The following GABRA3 variants were observed in gnomAD, a reference collection of about 807,000 sequenced individuals.
The protein encoded by GABRA3 is gamma-aminobutyric acid type A receptor subunit alpha3.
GABRA3 carries 10 observed loss-of-function variants against 30.1 expected under a neutral mutation model. The ratio of observed to expected loss-of-function variants is 0.33; its 90% CI spans 0.20 to 0.56. The LOEUF (loss-of-function observed/expected upper bound fraction) is 0.56. Among genes scored for constraint, GABRA3 ranks in the 20% least tolerant of loss-of-function variants. GABRA3 has a pLI of 0.89. For missense variants in GABRA3, 233 were observed against 392.0 expected, an observed-to-expected ratio of 0.59 and a Z score of 3.42; for synonymous variants, 151 against 146.8, an observed-to-expected ratio of 1.03 and a Z score of -0.21.
chrX:152,392,304 G>C (rs1929508989), intron 1 of GABRA3: 2 of 384,904 alleles, frequency 5.2e-6, no homozygotes, highest in African/African-American at 5.1e-5. Flanking sequence ...TGCACACTCA[G>C]GTTCTGCAAC....
intron 3 of GABRA3, among the ~76,000 whole-genome samples, chrX:152,294,251 T>A (rs1939481488): frequency 9.0e-6 from 1 of 111,684 alleles, no homozygotes; most frequent in African/African-American, 3.3e-5. Flanking sequence ...TCCCCATCAC[T>A]TTCAGGTACA....
At chrX:152,228,054 GA>G (rs1287011467) in intron 5 of GABRA3, among the ~76,000 whole-genome samples, 2 of 111,831 alleles carry the variant, frequency 1.8e-5, no homozygotes, top group East Asian at 5.7e-4. Context: ...CCCTCATAGT[GA>G]CCACTGCTAT....
intron 1 of GABRA3, among the ~76,000 whole-genome samples, chrX:152,374,342 T>C (rs757456865): frequency 4.2e-5 from 2 of 47,491 alleles, no homozygotes; most frequent in East Asian, 5.8e-4. Context: ...CTTTTCTTTT[T>C]TTTTTTTTTT....
intron 1 of GABRA3, among the ~76,000 whole-genome samples, chrX:152,407,770 A>G (rs1053440465): frequency 2.7e-5 from 3 of 111,893 alleles, no homozygotes; most frequent in Non-Finnish European, 5.6e-5. Flanking sequence ...AGACACAACA[A>G]CAGCAACAAA....
At chrX:152,337,056 A>T (rs1201907328) in intron 3 of GABRA3, among the ~76,000 whole-genome samples, 1 of 98,410 alleles carries the variant, frequency 1.0e-5, no homozygotes, top group Non-Finnish European at 2.0e-5. Flanking sequence ...GAATCAAGAT[A>T]AAATATTTTT....
chrX:152,197,778 A>G lies in GABRA3; in HGVS notation c.786T>C (p.Tyr262=), dbSNP rs1937408190. 11 of 1,207,162 alleles carry G rather than the reference A, an allele frequency of 9.1e-6. No individual in the cohort carries two copies. Among genetic ancestry groups the G allele is most frequent in the Non-Finnish European group, 1.2e-5 (11 of 891,860 alleles). The change falls in exon 8 of 10, where the codon TAT becomes TAC. Residue 262 remains tyrosine (Y), a synonymous_variant. Transcript: ENST00000370314. ...TEIIRSSTGE[Y]VVMTTHFHLK... ...GATGGAAGTGGGTTGTCATGACGACATATTCTCCTAAAGAGAGAGTAAAAT... is the reference window on the plus strand; with the variant it reads ...GATGGAAGTGGGTTGTCATGACGACGTATTCTCCTAAAGAGAGAGTAAAAT...
At chrX:152,282,506 G>A (rs979080080) in intron 4 of GABRA3, among the ~76,000 whole-genome samples, 6 of 112,009 alleles carry the variant, frequency 5.4e-5, no homozygotes. Flanking sequence ...ATGGACATGC[G>A]GCTAAAAATA....
chrX:152,386,318 A>G (rs1204914532), intron 1 of GABRA3, among the ~76,000 whole-genome samples: 2 of 110,470 alleles, frequency 1.8e-5, no homozygotes, highest in Non-Finnish European at 3.8e-5. Flanking sequence ...CGTCCCTTGT[A>G]AGTTGGATTC....
intron 8 of GABRA3, among the ~76,000 whole-genome samples, chrX:152,192,057 T>C (rs1011845432): frequency 4.5e-5 from 5 of 112,342 alleles, no homozygotes; most frequent in African/African-American, 1.6e-4. Flanking sequence ...CATAGCAGTG[T>C]GCTGCTAGTG....
chrX:152,168,688 A>T, intron 9 of GABRA3, 125 bp from the exon 10 acceptor site: 2 of 495,296 alleles, frequency 4.0e-6, no homozygotes. Context: ...CACAGGGGCC[A>T]TGTAGCCAAT....
intron 7 of GABRA3, among the ~76,000 whole-genome samples, chrX:152,205,599 G>A (rs139260857): frequency 7.0e-4 from 78 of 111,756 alleles, no homozygotes; most frequent in African/African-American, 2.3e-3. Flanking sequence ...TGTCAACTAT[G>A]CTCTGGCCTG....
rs755334725 is a variant in GABRA3 at position 152,237,047 on chromosome X, G to T, written c.552-12202C>A. 3.1e-3 allele frequency among the ~76,000 whole-genome samples: 337 copies of T among 109,300 alleles called. 3 individuals carry two copies. Among genetic ancestry groups the T allele is most frequent in the African/African-American group, 0.011 (320 of 29,906 alleles). The allele number at this position is 109,300 out of a possible 115,157, so 94.9% of individuals were successfully genotyped here. On this transcript the variant is annotated intron_variant, in intron 5 of 9. Coordinates refer to ENST00000370314, the MANE Select transcript of GABRA3 (RefSeq NM_000808.4). ...GGCTTTTGTTGCCATTGCTTTTGGT[G>T]TTTTGGACATGAAGTCCTTGCCCAT... is the stretch of plus-strand genomic sequence containing the variant.
At chrX:152,348,352 T>C (rs1257034495) in intron 2 of GABRA3, among the ~76,000 whole-genome samples, 1 of 111,893 alleles carries the variant, frequency 8.9e-6, no homozygotes, top group Non-Finnish European at 1.9e-5. Context: ...CTTGATGCTA[T>C]GTGTTTATCA....
intron 3 of GABRA3, among the ~76,000 whole-genome samples, chrX:152,338,259 C>T (rs746923167): frequency 3.6e-4 from 40 of 111,894 alleles, no homozygotes; most frequent in Non-Finnish European, 5.8e-4. Flanking sequence ...ACTGTAGTTT[C>T]GATGTGCACT....
intron 1 of GABRA3, among the ~76,000 whole-genome samples, chrX:152,394,172 A>G (rs1442230634): frequency 3.6e-5 from 4 of 111,814 alleles, no homozygotes; most frequent in Non-Finnish European, 7.5e-5. Context: ...AGGAAACTGA[A>G]GCATGAAGAT....
intron 1 of GABRA3, among the ~76,000 whole-genome samples, chrX:152,442,219 A>C (rs1353932640): frequency 9.0e-6 from 1 of 110,964 alleles, no homozygotes. Context: ...GGCTAGACAC[A>C]AAGAAAGTTA....
intron 1 of GABRA3, among the ~76,000 whole-genome samples, chrX:152,408,061 G>A (rs1929979850): frequency 9.0e-6 from 1 of 111,134 alleles, no homozygotes; most frequent in Non-Finnish European, 1.9e-5. Context: ...TCCGGGTACA[G>A]AAAGAACATA....
At chrX:152,251,350 A>G (rs1190311921) in intron 5 of GABRA3, among the ~76,000 whole-genome samples, 1 of 109,748 alleles carries the variant, frequency 9.1e-6, no homozygotes, top group East Asian at 2.9e-4. Flanking sequence ...GCCCTCCTCA[A>G]CCTGCACCTT....
intron 4 of GABRA3, among the ~76,000 whole-genome samples, chrX:152,274,486 T>A (rs1423761843): frequency 2.7e-5 from 3 of 111,223 alleles, no homozygotes; most frequent in African/African-American, 9.8e-5. Context: ...TCTTTCAATA[T>A]GAGGCATTAA....
Sources: allele counts gnomAD v4.1 joint callset (sites outside exome capture counted in the v4.1 genomes callset), GRCh38; gene constraint gnomAD v4.1.1; transcripts MANE v1.5; gene names NCBI Gene and HGNC (gene_info 2026-07-23, HGNC 2026-07-21).